Variants in SHISA6 observed in about 807,000 individuals in gnomAD.
SHISA6 encodes shisa family member 6.
In SHISA6, 22 loss-of-function variants were observed where a neutral mutation model predicts 47.9. That is an observed-to-expected ratio of 0.46 (90% confidence interval 0.33 to 0.66). The LOEUF (loss-of-function observed/expected upper bound fraction) is 0.66. SHISA6 is among the 30% of genes least tolerant of loss of function. SHISA6 has a pLI of 0.02. For missense variants in SHISA6, 680 were observed against 764.6 expected (o/e 0.89, Z 1.30); for synonymous variants, 388 against 337.8 (o/e 1.15, Z -1.63).
chr17:11,420,204 AAAAC>A (rs1189291216), intron 3 of SHISA6, among the ~76,000 whole-genome samples: 5 of 152,184 alleles, frequency 3.3e-5, no homozygotes, highest in Admixed American at 6.5e-5. Flanking sequence ...ACACCATCTC[AAAAC>A]AAACAAACAA....
rs374911448 is a variant in SHISA6, at chr17:11,446,970, T to C, written c.895+67461T>C. On this transcript the variant is annotated intron_variant, in intron 3 of 5. Transcript: ENST00000441885. ...ACAAGTATAATTTTATTCCTCAACT[T>C]TTGCCCCACTAAGAACCTTCTCTCT... 5.9e-5 allele frequency among the ~76,000 whole-genome samples: 9 copies of C among 152,286 alleles called. No homozygotes were observed. In the South Asian group the frequency reaches 1.0e-3, roughly 18 times the overall value.
At chr17:11,465,192 C>CAA in intron 3 of SHISA6, among the ~76,000 whole-genome samples, 1 of 152,330 alleles carries the variant, frequency 6.6e-6, no homozygotes, top group East Asian at 1.9e-4. Flanking sequence ...TTCCTGCTCC[C>CAA]CTCGGTGCGC....
intron 1 of SHISA6, among the ~76,000 whole-genome samples, chr17:11,245,669 G>T (rs1336840075): frequency 1.5e-5 from 2 of 137,776 alleles, no homozygotes; most frequent in Admixed American, 8.1e-5. Context: ...TGCTGGAGAC[G>T]CAGTTGGTGA....
At chr17:11,469,182 G>T (rs1454556708) in intron 3 of SHISA6, among the ~76,000 whole-genome samples, 2 of 152,046 alleles carry the variant, frequency 1.3e-5, no homozygotes, top group Non-Finnish European at 2.9e-5. Context: ...TGCGAATATG[G>T]TGCCTCACCT....
At chr17:11,468,548 G>C (rs1224958395) in intron 3 of SHISA6, among the ~76,000 whole-genome samples, 1 of 152,054 alleles carries the variant, frequency 6.6e-6, no homozygotes, top group Admixed American at 6.5e-5. Context: ...GGTACCTGGG[G>C]ATTATTCCTG....
intron 3 of SHISA6, among the ~76,000 whole-genome samples, chr17:11,523,702 T>C (rs2142364783): frequency 6.6e-6 from 1 of 152,246 alleles, no homozygotes; most frequent in African/African-American, 2.4e-5. Context: ...AGCTATAATC[T>C]TGAACTCTTT....
At chr17:11,504,409 C>T (rs1597556311) in intron 3 of SHISA6, among the ~76,000 whole-genome samples, 1 of 152,164 alleles carries the variant, frequency 6.6e-6, no homozygotes, top group Non-Finnish European at 1.5e-5. Flanking sequence ...GCATCCCTCC[C>T]ATGCTGCCCT....
intron 2 of SHISA6, among the ~76,000 whole-genome samples, chr17:11,263,759 T>G (rs529904617): frequency 4.7e-4 from 72 of 152,312 alleles, no homozygotes; most frequent in Middle Eastern, 3.4e-3. Context: ...CAGGCACTTG[T>G]GACCTAGTGA....
At chr17:11,495,986 T>TATCCATTC (rs1416871203) in intron 3 of SHISA6, among the ~76,000 whole-genome samples, 1 of 131,124 alleles carries the variant, frequency 7.6e-6, no homozygotes, top group African/African-American at 2.9e-5. Context: ...TCCTTCTATT[T>TATCCATTC]ATCCATTCAT....
chr17:11,323,675 T>TAA (rs1293225346), intron 2 of SHISA6, among the ~76,000 whole-genome samples: 8 of 116,096 alleles, frequency 6.9e-5, no homozygotes, highest in South Asian at 2.8e-4. Context: ...AATAAAATAA[T>TAA]AATAATAATA....
At chr17:11,266,657 A>G (rs1384116305) in intron 2 of SHISA6, among the ~76,000 whole-genome samples, 3 of 152,244 alleles carry the variant, frequency 2.0e-5, no homozygotes. Context: ...CCCCATACAT[A>G]GCAAACACTG....
intron 2 of SHISA6, among the ~76,000 whole-genome samples, chr17:11,302,125 C>G (rs1909949116): frequency 6.6e-6 from 1 of 152,194 alleles, no homozygotes; most frequent in Admixed American, 6.5e-5. Context: ...GGGCCCCTCC[C>G]ACAACACATG....
intron 2 of SHISA6, among the ~76,000 whole-genome samples, chr17:11,284,256 A>T (rs1207887017): frequency 1.3e-5 from 2 of 152,146 alleles, no homozygotes; most frequent in African/African-American, 2.4e-5. Context: ...ACCTAGTCAA[A>T]AGTCCCAAAG....
At chr17:11,258,422 A>G (rs1314311509) in intron 1 of SHISA6, among the ~76,000 whole-genome samples, 1 of 152,214 alleles carries the variant, frequency 6.6e-6, no homozygotes, top group Non-Finnish European at 1.5e-5. Context: ...GATTTAAAAG[A>G]ATTACCAGGT....
chr17:11,379,145 A>G (rs1912920150), intron 2 of SHISA6, among the ~76,000 whole-genome samples: 1 of 148,288 alleles, frequency 6.7e-6, no homozygotes, highest in East Asian at 1.9e-4. Flanking sequence ...ATATAAGTAT[A>G]TATACTAATA....
intron 3 of SHISA6, among the ~76,000 whole-genome samples, chr17:11,479,716 C>G (rs568444310): frequency 2.1e-4 from 32 of 151,890 alleles, no homozygotes; most frequent in Non-Finnish European, 4.3e-4. Context: ...ATTCATTTCA[C>G]TTATGGCTAA....
chr17:11,387,733 TA>T (rs1913243589), intron 3 of SHISA6, among the ~76,000 whole-genome samples: 1 of 152,096 alleles, frequency 6.6e-6, no homozygotes, highest in Non-Finnish European at 1.5e-5. Context: ...GACTAACCAT[TA>T]ACGTGGGAGG....
intron 2 of SHISA6, among the ~76,000 whole-genome samples, chr17:11,307,359 C>T (rs1910157558): frequency 1.3e-5 from 2 of 152,142 alleles, no homozygotes; most frequent in South Asian, 4.1e-4. Context: ...AGCTAGGTTT[C>T]TTCCATATTG....
intron 1 of SHISA6, among the ~76,000 whole-genome samples, chr17:11,263,143 C>T (rs9897191): frequency 0.036 from 5,405 of 152,226 alleles, 314 homozygotes; most frequent in African/African-American, 0.12. Flanking sequence ...AGAAAGAAAC[C>T]GTAGTCCCAG....
Sources: allele counts gnomAD v4.1 joint callset (sites outside exome capture counted in the v4.1 genomes callset), GRCh38; gene constraint gnomAD v4.1.1; transcripts MANE v1.5; gene names NCBI Gene and HGNC (gene_info 2026-07-23, HGNC 2026-07-21).